Variants in PDE4D observed in about 807,000 individuals in gnomAD.
The protein encoded by PDE4D is phosphodiesterase 4D.
Under a neutral mutation model 87.4 loss-of-function variants are expected in PDE4D, and 24 were observed. The ratio of observed to expected loss-of-function variants is 0.27; its 90% CI spans 0.20 to 0.39. The LOEUF is 0.39. PDE4D is among the 10% of genes least tolerant of loss of function. The pLI, the probability that PDE4D is intolerant of heterozygous loss-of-function variation, is 1.00. For missense variants in PDE4D, 714 were observed against 1,041.0 expected, an observed-to-expected ratio of 0.69 and a Z score of 4.32; for synonymous variants, 384 against 383.2, an observed-to-expected ratio of 1.00 and a Z score of -0.02.
chr5:60,395,189 T>G (rs569207084), intron 1 of PDE4D, among the ~76,000 whole-genome samples: 1 of 152,244 alleles, frequency 6.6e-6, no homozygotes, highest in East Asian at 1.9e-4. Flanking sequence ...ACCACTGAGT[T>G]ACAAAAATAA....
chr5:59,078,045 C>G (rs186052851), intron 5 of PDE4D, among the ~76,000 whole-genome samples: 2 of 152,278 alleles, frequency 1.3e-5, no homozygotes, highest in Admixed American at 1.3e-4. Flanking sequence ...ATTCCATCCC[C>G]TTTAATCTCT....
chr5:59,642,514 T>TGGTGGTGAATAAGTCTCACAAG (rs1359217746), intron 1 of PDE4D, among the ~76,000 whole-genome samples: 3 of 152,158 alleles, frequency 2.0e-5, no homozygotes, highest in Non-Finnish European at 2.9e-5. Context: ...ACTATTCTCG[T>TGGTGGTGAATAAGTCTCACAAG]GGTGGTGAAT....
intron 1 of PDE4D, among the ~76,000 whole-genome samples, chr5:60,223,712 CT>C (rs1744762398): frequency 1.3e-5 from 2 of 152,104 alleles, no homozygotes; most frequent in Admixed American, 6.6e-5. Flanking sequence ...TTCTAATTGG[CT>C]TACCGGCTGT....
chr5:59,477,640 G>A (rs148689608), intron 1 of PDE4D, among the ~76,000 whole-genome samples: 41 of 152,192 alleles, frequency 2.7e-4, no homozygotes, highest in African/African-American at 8.9e-4. Flanking sequence ...AAGTAGTTTG[G>A]AGATTTCTCA....
chr5:59,507,189 G>A (rs757936484), intron 1 of PDE4D, among the ~76,000 whole-genome samples: 1 of 151,984 alleles, frequency 6.6e-6, no homozygotes, highest in Non-Finnish European at 1.5e-5. Flanking sequence ...AAAATTAGCC[G>A]TGTGTAGTGG....
At chr5:59,071,541 G>GT (rs1437688973) in intron 5 of PDE4D, among the ~76,000 whole-genome samples, 10 of 96,366 alleles carry the variant, frequency 1.0e-4, no homozygotes, top group African/African-American at 6.0e-4. Context: ...TATTCTCTGA[G>GT]TTGTTTTTTT....
intron 5 of PDE4D, among the ~76,000 whole-genome samples, chr5:59,053,362 TACACACACAC>T (rs57805618): frequency 0.015 from 2,183 of 142,142 alleles, 19 homozygotes; most frequent in East Asian, 0.032. Context: ...TGGGTGTACA[TACACACACAC>T]ACACACACAC....
intron 3 of PDE4D, among the ~76,000 whole-genome samples, chr5:59,949,405 C>T (rs946054397): frequency 6.8e-6 from 1 of 146,218 alleles, no homozygotes; most frequent in Non-Finnish European, 1.5e-5. Flanking sequence ...CGCACTCCAG[C>T]CTGGGCGACA....
rs778762464 is a variant in PDE4D, at chr5:58,975,027, G to A, written c.2067C>T (p.Leu689=). The A allele has an allele frequency of 2.5e-6, 4 of 1,600,122 alleles. No individual in the cohort carries two copies. Among genetic ancestry groups the A allele is most frequent in the Middle Eastern group, 1.7e-4 (1 of 6,002 alleles). ...AAATATCCTGGGCGTCAGGGTGGAC[G>A]AGGTCTGCCCATGTCTCCCAGAGGG... ...VHPLWETWAD[L]VHPDAQDILD... Residue 689 remains leucine (L), a synonymous_variant, in exon 15 of 15, where the codon CTC becomes CTT. Coordinates refer to ENST00000340635, the MANE Select transcript of PDE4D (RefSeq NM_001104631.2). The surrounding 1 kb of genome is among the most constrained non-coding windows in gnomAD (Gnocchi z 4.2).
intron 2 of PDE4D, among the ~76,000 whole-genome samples, chr5:60,106,772 G>A (rs1343036403): frequency 9.2e-5 from 14 of 151,934 alleles, no homozygotes; most frequent in South Asian, 2.1e-4. Flanking sequence ...GGTACATAAC[G>A]AAATGAAGGC....
chr5:59,913,376 T>C (rs1753658590), intron 3 of PDE4D, among the ~76,000 whole-genome samples: 1 of 152,198 alleles, frequency 6.6e-6, no homozygotes, highest in Admixed American at 6.5e-5. Context: ...TGTTACAATG[T>C]TCTGTTTAGA....
chr5:59,224,293 T>C lies in PDE4D; in HGVS notation c.456-8325A>G, dbSNP rs490105. On this transcript the variant is annotated intron_variant, in intron 1 of 14. Coordinates refer to ENST00000340635, the MANE Select transcript of PDE4D (RefSeq NM_001104631.2). ...TGAGATCCTGTCATACACACACACA[T>C]ACACACACACACACACACACACACA... Among the ~76,000 whole-genome samples, 1,054 of 135,454 alleles carry C rather than the reference T, an allele frequency of 7.8e-3. 11 individuals are homozygous for C. Among genetic ancestry groups the C allele is most frequent in the Non-Finnish European group, 0.013 (778 of 61,028 alleles). 88.9% of individuals were successfully genotyped at this position (135,454 alleles called of 152,430 possible). A position where few individuals can be genotyped will look rare whatever the true frequency, so the allele number is the denominator to read the frequency against.
At chr5:60,028,594 C>A (rs1220436895) in intron 2 of PDE4D, among the ~76,000 whole-genome samples, 1 of 152,142 alleles carries the variant, frequency 6.6e-6, no homozygotes, top group African/African-American at 2.4e-5. Context: ...GGAAGTATCC[C>A]AATTACTTGT....
chr5:59,014,924 G>C (rs1023429965), intron 6 of PDE4D, among the ~76,000 whole-genome samples: 13 of 152,144 alleles, frequency 8.5e-5, no homozygotes, highest in African/African-American at 2.9e-4. Context: ...CAAGAACAGA[G>C]ATATAGGCCA....
At chr5:59,359,674 T>A (rs1038793525) in intron 1 of PDE4D, among the ~76,000 whole-genome samples, 3 of 152,206 alleles carry the variant, frequency 2.0e-5, no homozygotes, top group Non-Finnish European at 4.4e-5. Context: ...AACAAGCTGT[T>A]TATAATTTTT....
At chr5:60,460,307 A>G (rs1561281284) in intron 1 of PDE4D, 1 of 1,013,992 alleles carries the variant, frequency 9.9e-7, no homozygotes, top group Non-Finnish European at 1.6e-6. Context: ...TTTTCAAAGT[A>G]AAGATTTTCA....
intron 2 of PDE4D, among the ~76,000 whole-genome samples, chr5:60,078,542 C>A (rs1225186348): frequency 6.6e-6 from 1 of 152,104 alleles, no homozygotes; most frequent in African/African-American, 2.4e-5. Flanking sequence ...TCCACTCAAT[C>A]CCCTCCCCAG....
chr5:60,104,796 G>C (rs1195524722), intron 2 of PDE4D, among the ~76,000 whole-genome samples: 1 of 152,210 alleles, frequency 6.6e-6, no homozygotes, highest in Non-Finnish European at 1.5e-5. Context: ...ACCTGCAGCT[G>C]AGGGTCCTGT....
chr5:60,461,283 C>T (rs1746920230), intron 1 of PDE4D, among the ~76,000 whole-genome samples: 1 of 152,120 alleles, frequency 6.6e-6, no homozygotes, highest in Non-Finnish European at 1.5e-5. Context: ...CATGCATAGG[C>T]AGGGCTACCA....
Sources: gnomAD v4.1 joint callset for allele counts (sites outside exome capture counted in the v4.1 genomes callset) on GRCh38, gnomAD v4.1.1 for gene constraint, Gnocchi (gnomAD v3.1) non-coding constraint, MANE v1.5 for transcripts, NCBI Gene and HGNC (gene_info 2026-07-23, HGNC 2026-07-21) for gene names.